TTC39C: variants seen among roughly 807,000 people sequenced by gnomAD.
TTC39C encodes the protein tetratricopeptide repeat domain 39C.
Under a neutral mutation model 76.3 loss-of-function variants are expected in TTC39C, and 33 were observed. That is an observed-to-expected ratio of 0.43 (90% confidence interval 0.33 to 0.58). The LOEUF is 0.58. Among genes scored for constraint, TTC39C ranks in the 20% least tolerant of loss-of-function variants. TTC39C has a pLI of 0.04. For missense variants in TTC39C, 595 were observed against 701.4 expected, an observed-to-expected ratio of 0.85 and a Z score of 1.71; for synonymous variants, 254 against 260.6, an observed-to-expected ratio of 0.97 and a Z score of 0.24.
At chr18:24,072,093 T>C (rs540804085) in intron 4 of TTC39C, among the ~76,000 whole-genome samples, 35 of 152,136 alleles carry the variant, frequency 2.3e-4, no homozygotes, top group Non-Finnish European at 4.3e-4. Flanking sequence ...TACTTCATTG[T>C]TGGGATCCAT....
At chr18:24,015,123 C>A in intron 1 of TTC39C, 85 bp downstream of exon 1, 1 of 1,231,976 alleles carries the variant, frequency 8.1e-7, no homozygotes, top group Non-Finnish European at 1.1e-6. Context: ...CCCCCGGGAG[C>A]CCCCTCCCCC....
At chr18:24,036,721 C>T (rs541385413) in intron 1 of TTC39C, among the ~76,000 whole-genome samples, 2 of 152,246 alleles carry the variant, frequency 1.3e-5, no homozygotes, top group Admixed American at 6.5e-5. Context: ...GTCTTGATCT[C>T]CCCAGGCTCA....
chr18:24,014,088 G>A (rs1430288969), upstream of TTC39C, among the ~76,000 whole-genome samples: 1 of 152,252 alleles, frequency 6.6e-6, no homozygotes, highest in Non-Finnish European at 1.5e-5. Context: ...CCCGCAGCGC[G>A]GGGCTCCGGG....
At chr18:24,035,890 A>G (rs1399092804) in intron 1 of TTC39C, among the ~76,000 whole-genome samples, 3 of 151,908 alleles carry the variant, frequency 2.0e-5, no homozygotes, top group Non-Finnish European at 2.9e-5. Context: ...TCTGTTTTCT[A>G]ATAAGAGTTT....
intron 6 of TTC39C, among the ~76,000 whole-genome samples, chr18:24,112,691 C>T (rs931627264): frequency 4.6e-5 from 7 of 151,904 alleles, no homozygotes; most frequent in East Asian, 1.9e-4. Flanking sequence ...ATGGGGGACA[C>T]GGGGGGGAAC....
At chr18:24,100,784 T>G (rs2084664308) in intron 6 of TTC39C, among the ~76,000 whole-genome samples, 1 of 152,222 alleles carries the variant, frequency 6.6e-6, no homozygotes, top group Non-Finnish European at 1.5e-5. Flanking sequence ...CTCAAGCCAG[T>G]GGACCTTCTC....
At chr18:24,085,668 G>C (rs116765135) in intron 6 of TTC39C, among the ~76,000 whole-genome samples, 2,287 of 152,266 alleles carry the variant, frequency 0.015, 64 homozygotes, top group African/African-American at 0.05. Context: ...GTCTATTTGG[G>C]GGTAGATAAT....
At chr18:23,997,962 T>A (rs1319160458) in intron 1 of TTC39C, among the ~76,000 whole-genome samples, 5 of 152,170 alleles carry the variant, frequency 3.3e-5, no homozygotes, top group Admixed American at 3.3e-4. Context: ...GTGTTCTACT[T>A]CTGAAATGTG....
intron 10 of TTC39C, among the ~76,000 whole-genome samples, chr18:24,125,954 G>T (rs1009413219): frequency 1.3e-5 from 2 of 152,228 alleles, no homozygotes; most frequent in African/African-American, 2.4e-5. Flanking sequence ...TTGAAAGGCT[G>T]AGGCAGGCAG....
Position 24,054,814 on chromosome 18 carries a change from T to C in TTC39C, c.168-9326T>C, listed in dbSNP as rs9946824. On this transcript the variant is annotated intron_variant, in intron 1 of 13. Coordinates refer to ENST00000317571, the MANE Select transcript of TTC39C (RefSeq NM_001135993.2). ...ACAGTTCAGTCATGTTAAGTACATA[T>C]GCATTGTTTTGCAGCCAATCTGCAG... Among the ~76,000 whole-genome samples, 566 of 152,354 alleles carry C rather than the reference T, an allele frequency of 3.7e-3. 5 individuals are homozygous for C. Among genetic ancestry groups the C allele is most frequent in the African/African-American group, 0.013 (541 of 41,592 alleles).
chr18:24,100,356 G>A (rs2145788835), intron 6 of TTC39C, among the ~76,000 whole-genome samples: 1 of 152,346 alleles, frequency 6.6e-6, no homozygotes, highest in East Asian at 1.9e-4. Context: ...GGCCACTGTT[G>A]GGATGAATCC....
At chr18:24,109,783 T>C (rs1361850890) in intron 6 of TTC39C, among the ~76,000 whole-genome samples, 2 of 152,034 alleles carry the variant, frequency 1.3e-5, no homozygotes, top group East Asian at 3.9e-4. Context: ...GGGAGGCGGA[T>C]CACTTGAGGT....
chr18:24,064,033 C>T, intron 1 of TTC39C, 107 bp from the exon 2 acceptor site: 1 of 1,442,792 alleles, frequency 6.9e-7, no homozygotes, highest in South Asian at 1.4e-5. Context: ...TTCTTTTATT[C>T]AATTAGAAGG....
intron 1 of TTC39C, among the ~76,000 whole-genome samples, chr18:24,005,680 T>TA (rs541191475): frequency 2.1e-3 from 285 of 135,064 alleles, no homozygotes; most frequent in South Asian, 2.8e-3. Context: ...ACCCTGTCTC[T>TA]AAAAAAAAAA....
intron 5 of TTC39C, among the ~76,000 whole-genome samples, chr18:24,081,888 A>C (rs2084379113): frequency 1.3e-5 from 2 of 152,228 alleles, no homozygotes; most frequent in Admixed American, 1.3e-4. Flanking sequence ...TCTGATAAAG[A>C]AATGAATAGA....
intron 1 of TTC39C, among the ~76,000 whole-genome samples, chr18:24,007,126 C>T (rs73402217): frequency 0.03 from 4,561 of 152,204 alleles, 211 homozygotes; most frequent in African/African-American, 0.1. Context: ...TTGAGACACA[C>T]GGATTGCTAA....
chr18:24,123,594 A>G (rs2085006002), intron 8 of TTC39C: 1 of 340,236 alleles, frequency 2.9e-6, no homozygotes, highest in Non-Finnish European at 5.3e-6. Context: ...TTTAGCAGAG[A>G]TGGGGTTTCG....
At chr18:24,015,153 C>T (rs1458991118) in intron 1 of TTC39C, 115 bp downstream of exon 1, 4 of 998,462 alleles carry the variant, frequency 4.0e-6, no homozygotes, top group Non-Finnish European at 5.5e-6. Context: ...TCACCGATTC[C>T]GGTCCTCAGG....
At chr18:24,093,501 A>G (rs1459453975) in intron 6 of TTC39C, among the ~76,000 whole-genome samples, 1 of 150,344 alleles carries the variant, frequency 6.7e-6, no homozygotes, top group Non-Finnish European at 1.5e-5. Context: ...AAAAGTATTG[A>G]GAGTGTGCAT....
Sources: gnomAD v4.1 joint callset for allele counts (sites outside exome capture counted in the v4.1 genomes callset) on GRCh38, gnomAD v4.1.1 for gene constraint, MANE v1.5 for transcripts, NCBI Gene and HGNC (gene_info 2026-07-23, HGNC 2026-07-21) for gene names.